The following FAM53B variants were observed in gnomAD, a reference collection of about 807,000 sequenced individuals.
FAM53B encodes the protein protein FAM53B.
FAM53B carries 12 observed loss-of-function variants against 32.7 expected under a neutral mutation model. That is an observed-to-expected ratio of 0.37 (90% CI 0.24 to 0.59). FAM53B has a LOEUF of 0.59. Ranked by LOEUF, FAM53B falls within the 20% of genes least tolerant of loss-of-function variation. The pLI is 0.72. For missense variants in FAM53B, 477 were observed against 577.7 expected (o/e 0.83, Z 1.79); for synonymous variants, 234 against 228.7 (o/e 1.02, Z -0.21).
At chr10:124,686,877 C>T (rs1949806204) in intron 3 of FAM53B, among the ~76,000 whole-genome samples, 1 of 152,230 alleles carries the variant, frequency 6.6e-6, no homozygotes, top group Admixed American at 6.5e-5. Context: ...TGCCCTGAAC[C>T]GTCTGCCCTA....
chr10:124,649,508 C>T (rs1024105690), intron 4 of FAM53B, among the ~76,000 whole-genome samples: 1 of 152,232 alleles, frequency 6.6e-6, no homozygotes, highest in South Asian at 2.1e-4. Context: ...TTTCTCCCAA[C>T]ATGTCTGCCC....
intron 2 of FAM53B, among the ~76,000 whole-genome samples, chr10:124,704,566 G>A (rs1403676693): frequency 6.6e-6 from 1 of 152,212 alleles, no homozygotes; most frequent in Non-Finnish European, 1.5e-5. Context: ...AGGGCTCCAG[G>A]CCAAGGAAAA....
Position 124,623,467 on chromosome 10 carries a change from C to A in FAM53B, c.1044G>T (p.Arg348Ser). The A allele has an allele frequency of 6.3e-7, 1 of 1,587,112 alleles. No homozygotes were observed. The highest frequency in any genetic ancestry group is 8.6e-7 in the Non-Finnish European group (1 of 1,167,856). Reference sequence around the variant, plus strand: ...CAGGGACCGGGGTCCCAGCGGGGGTCCTGCCCCCTGGGCCGGAGGCTGAGA... The same window carrying A: ...CAGGGACCGGGGTCCCAGCGGGGGTACTGCCCCCTGGGCCGGAGGCTGAGA... ...ALLSASGPGGRTPAGTPVPEP... is the reference protein window; with the variant it reads ...ALLSASGPGGSTPAGTPVPEP... The change falls in exon 5 of 5, where the codon AGG (arginine) becomes AGT (serine). Residue 348 changes from arginine to serine, a missense_variant. Coordinates refer to ENST00000337318, the MANE Select transcript of FAM53B (RefSeq NM_014661.4).
At chr10:124,720,185 A>AAACC (rs1430558735) in intron 1 of FAM53B, among the ~76,000 whole-genome samples, 1 of 151,758 alleles carries the variant, frequency 6.6e-6, no homozygotes, top group East Asian at 1.9e-4. Flanking sequence ...AAAAACAAAC[A>AAACC]AACCACCAAC....
chr10:124,735,950 T>C (rs1437925043), intron 1 of FAM53B, among the ~76,000 whole-genome samples: 1 of 152,224 alleles, frequency 6.6e-6, no homozygotes, highest in Non-Finnish European at 1.5e-5. Flanking sequence ...TGATACAGAA[T>C]TGGGTTTCAC....
At chr10:124,626,129 G>A (rs1424244042) in intron 4 of FAM53B, among the ~76,000 whole-genome samples, 1 of 152,262 alleles carries the variant, frequency 6.6e-6, no homozygotes, top group Non-Finnish European at 1.5e-5. Flanking sequence ...CGTTTTCTGC[G>A]AGCTGTCATG....
intron 4 of FAM53B, among the ~76,000 whole-genome samples, chr10:124,677,702 A>C (rs1473622727): frequency 6.6e-6 from 1 of 151,636 alleles, no homozygotes; most frequent in Non-Finnish European, 1.5e-5. Flanking sequence ...ATGAGCAAAG[A>C]CAATCTGAAA....
chr10:124,643,389 T>C (rs1564865400), intron 4 of FAM53B, among the ~76,000 whole-genome samples: 1 of 152,230 alleles, frequency 6.6e-6, no homozygotes, highest in African/African-American at 2.4e-5. Flanking sequence ...AGGTGGCTGA[T>C]AAATTTCCCA....
intron 4 of FAM53B, among the ~76,000 whole-genome samples, chr10:124,664,855 C>G (rs1949658841): frequency 6.6e-6 from 1 of 152,228 alleles, no homozygotes; most frequent in East Asian, 1.9e-4. Context: ...CTGCGTGGGG[C>G]CAGAGGGAAG....
At chr10:124,707,822 G>A (rs1432265156) in intron 1 of FAM53B, 1 of 152,166 alleles carries the variant, frequency 6.6e-6, no homozygotes, top group Non-Finnish European at 1.5e-5. Context: ...CAACACTGGA[G>A]GCCTTCACAG....
At chr10:124,643,863 G>A (rs745807401) in intron 4 of FAM53B, among the ~76,000 whole-genome samples, 3 of 152,172 alleles carry the variant, frequency 2.0e-5, no homozygotes, top group Non-Finnish European at 4.4e-5. Flanking sequence ...TCTGACCACC[G>A]CCCCATCCTC....
chr10:124,627,416 C>T (rs368568366), intron 4 of FAM53B, among the ~76,000 whole-genome samples: 27 of 152,362 alleles, frequency 1.8e-4, no homozygotes, highest in Middle Eastern at 3.4e-3. Flanking sequence ...TGCAAAAAGC[C>T]GCAAAATGGC....
intron 4 of FAM53B, among the ~76,000 whole-genome samples, chr10:124,629,283 C>G (rs1949375517): frequency 6.6e-6 from 1 of 152,200 alleles, no homozygotes; most frequent in African/African-American, 2.4e-5. Flanking sequence ...CCTGCCTGCG[C>G]CAAGTCCGTC....
chr10:124,694,033 G>A (rs1239369029), intron 3 of FAM53B, among the ~76,000 whole-genome samples: 4 of 152,212 alleles, frequency 2.6e-5, no homozygotes, highest in African/African-American at 4.8e-5. Flanking sequence ...GGGAGGGGCC[G>A]ACCAACAGAA....
At chr10:124,686,009 G>C (rs1439747730) in intron 3 of FAM53B, among the ~76,000 whole-genome samples, 1 of 152,122 alleles carries the variant, frequency 6.6e-6, no homozygotes, top group Non-Finnish European at 1.5e-5. Context: ...CTACACTCCA[G>C]GTATCAAACC....
At chr10:124,665,992 T>C (rs1949669935) in intron 4 of FAM53B, among the ~76,000 whole-genome samples, 2 of 152,340 alleles carry the variant, frequency 1.3e-5, no homozygotes, top group Middle Eastern at 3.4e-3. Flanking sequence ...TGGGGTCTTG[T>C]ACACGCTAGT....
At chr10:124,626,660 G>A (rs1949357919) in intron 4 of FAM53B, among the ~76,000 whole-genome samples, 1 of 152,192 alleles carries the variant, frequency 6.6e-6, no homozygotes, top group Admixed American at 6.5e-5. Context: ...CCAGTCTAAG[G>A]CATCTTTGTC....
At chr10:124,724,839 C>T (rs930637380) in intron 1 of FAM53B, among the ~76,000 whole-genome samples, 1 of 152,194 alleles carries the variant, frequency 6.6e-6, no homozygotes, top group African/African-American at 2.4e-5. Context: ...CTCAGACTCC[C>T]GAGTTACAAA....
chr10:124,662,182 C>T (rs190514268), intron 4 of FAM53B, among the ~76,000 whole-genome samples: 5 of 152,316 alleles, frequency 3.3e-5, no homozygotes, highest in African/African-American at 9.6e-5. Context: ...GTCCTGTGAC[C>T]GTGGCCGCTA....
Sources: allele counts gnomAD v4.1 joint callset (sites outside exome capture counted in the v4.1 genomes callset), GRCh38; gene constraint gnomAD v4.1.1; transcripts MANE v1.5; gene names NCBI Gene and HGNC (gene_info 2026-07-23, HGNC 2026-07-21).